The following LPP variants were observed in gnomAD, a reference collection of about 807,000 sequenced individuals.
LPP encodes lipoma-preferred partner.
LPP carries 38 observed loss-of-function variants against 60.4 expected under a neutral mutation model. The observed-to-expected ratio is 0.63, with a 90% CI of 0.49 to 0.83. The LOEUF is 0.83. LPP is among the 40% of genes least tolerant of loss of function. The probability of loss-of-function intolerance (pLI) is 0.00; values close to 1 mark genes in which losing one functional copy is unlikely to be tolerated. For missense variants in LPP, 902 were observed against 783.6 expected (o/e 1.15, Z -1.80); for synonymous variants, 328 against 290.8 (o/e 1.13, Z -1.30).
chr3:188,201,136 C>T (rs1730973786), intron 1 of LPP, among the ~76,000 whole-genome samples: 1 of 152,174 alleles, frequency 6.6e-6, no homozygotes, highest in African/African-American at 2.4e-5. Flanking sequence ...ATTTATTAAA[C>T]ACTTACTATG....
At chr3:188,249,986 TA>T (rs920536501) in intron 2 of LPP, among the ~76,000 whole-genome samples, 12 of 150,868 alleles carry the variant, frequency 8.0e-5, no homozygotes, top group Non-Finnish European at 1.2e-4. Context: ...TTCTTAATAA[TA>T]AAAAAAATAA....
chr3:188,545,939 T>A (rs888557815), intron 6 of LPP, among the ~76,000 whole-genome samples: 1 of 152,216 alleles, frequency 6.6e-6, no homozygotes, highest in African/African-American at 2.4e-5. Context: ...CGTGACCATC[T>A]GTGTACAGTA....
At chr3:188,816,241 G>A (rs368675472) in intron 9 of LPP, among the ~76,000 whole-genome samples, 7 of 124,330 alleles carry the variant, frequency 5.6e-5, no homozygotes, top group Non-Finnish European at 7.8e-5. Context: ...TCGCTCTGTC[G>A]CCCAGGCTGG....
chr3:188,351,935 A>G lies in LPP; in HGVS notation c.-10+10216A>G, dbSNP rs1199689236. ...TACATCTGAGTCTTTGGAGAGCTGC[A>G]ACCTGAGTGCCTCGTTCTTGAGTGT... On this transcript the variant is annotated intron_variant, in intron 3 of 11. Coordinates refer to ENST00000617246, the MANE Select transcript of LPP (RefSeq NM_001375462.1). Among the ~76,000 whole-genome samples the G allele has an allele frequency of 5.3e-5, 8 of 152,218 alleles. No homozygotes were observed. In the South Asian group the frequency reaches 1.4e-3, roughly 28 times the overall value.
At chr3:188,200,045 C>T (rs1730637592) in intron 1 of LPP, among the ~76,000 whole-genome samples, 1 of 152,060 alleles carries the variant, frequency 6.6e-6, no homozygotes, top group South Asian at 2.1e-4. Flanking sequence ...TTTGTTCCTT[C>T]ACAGAGGCAA....
intron 7 of LPP, among the ~76,000 whole-genome samples, chr3:188,651,216 T>A (rs1484344204): frequency 6.6e-6 from 1 of 152,206 alleles, no homozygotes. Flanking sequence ...TATTCAGACA[T>A]ATATAACGCA....
intron 9 of LPP, among the ~76,000 whole-genome samples, chr3:188,788,787 G>A (rs1019259934): frequency 2.6e-5 from 4 of 151,968 alleles, no homozygotes; most frequent in Non-Finnish European, 5.9e-5. Context: ...CCTGCAGCAC[G>A]CCCCCCCGGC....
intron 8 of LPP, chr3:188,743,501 C>T (rs1388700378): frequency 6.6e-6 from 1 of 152,152 alleles, no homozygotes; most frequent in Non-Finnish European, 1.5e-5. Flanking sequence ...AAGCCATAAA[C>T]TCCAGTCTGT....
In LPP at chr3:188,879,204, C is replaced by T. The variant is rs998249853; in HGVS notation, c.*4725C>T. 3 of 230,834 alleles carry T rather than the reference C, an allele frequency of 1.3e-5. No homozygotes were observed. Among genetic ancestry groups the T allele is most frequent in the African/African-American group, 2.2e-5 (1 of 45,246 alleles). 14.3% of individuals were successfully genotyped at this position (230,834 alleles called of 1,614,324 possible). A position where few individuals can be genotyped will look rare whatever the true frequency, so the allele number is the denominator to read the frequency against. On this transcript the variant is annotated 3_prime_UTR_variant, in exon 12 of 12. Coordinates refer to ENST00000617246, the MANE Select transcript of LPP (RefSeq NM_001375462.1). ...CTTATTTCAAACCTTAAAAAGTTACCTGACTGAAGCTACTATGACTTGGTA... is the reference window on the plus strand; with the variant it reads ...CTTATTTCAAACCTTAAAAAGTTACTTGACTGAAGCTACTATGACTTGGTA...
At chr3:188,815,575 A>C (rs1752240771) in intron 9 of LPP, among the ~76,000 whole-genome samples, 1 of 151,542 alleles carries the variant, frequency 6.6e-6, no homozygotes, top group Admixed American at 6.6e-5. Flanking sequence ...GCAGTAATTG[A>C]CTCTTACGCT....
chr3:188,760,567 G>A (rs1314297047), intron 9 of LPP, among the ~76,000 whole-genome samples: 1 of 152,130 alleles, frequency 6.6e-6, no homozygotes, highest in African/African-American at 2.4e-5. Context: ...TCAGCCTGTG[G>A]CTTTCTAGCA....
intron 5 of LPP, among the ~76,000 whole-genome samples, chr3:188,507,226 A>G (rs1001594640): frequency 6.6e-5 from 10 of 152,324 alleles, no homozygotes; most frequent in African/African-American, 2.2e-4. Context: ...CTGTATACTT[A>G]TCACCCTTTT....
At position 188,881,446 on chromosome 3, in the gene LPP, T is replaced by G. The variant is rs1578126323; in HGVS notation, c.*6967T>G. 2 of 209,182 alleles carry G rather than the reference T, an allele frequency of 9.6e-6. No individual in the cohort carries two copies. Among genetic ancestry groups the G allele is most frequent in the East Asian group, 1.4e-4 (2 of 13,862 alleles). The allele number at this position is 209,182 out of a possible 1,614,324, so 13.0% of individuals were successfully genotyped here. The stretch of plus-strand genomic sequence containing the variant: ...ACATATTTTCTAATTTTCAGTGTAC[T>G]CAGTGAAACTTGGCAGTTCACCATG... On this transcript the variant is annotated 3_prime_UTR_variant, in exon 12 of 12. Transcript: ENST00000617246.
intron 9 of LPP, among the ~76,000 whole-genome samples, 161 bp downstream of exon 9, chr3:188,760,443 C>CGCGT (rs1560168972): frequency 1.1e-3 from 70 of 64,324 alleles, no homozygotes; most frequent in African/African-American, 3.5e-3. Context: ...TGTGCGTGCG[C>CGCGT]GCATGTAAAT....
chr3:188,261,783 A>C (rs1012047656), intron 2 of LPP, among the ~76,000 whole-genome samples: 1 of 151,940 alleles, frequency 6.6e-6, no homozygotes, highest in Non-Finnish European at 1.5e-5. Flanking sequence ...ATGTGGTGGC[A>C]CATATCTGTA....
In LPP at chr3:188,884,564, A is replaced by C. The variant is rs1353222481; in HGVS notation, c.*10085A>C. 4.3e-6 allele frequency: 1 copy of C among 230,666 alleles called. No homozygotes were observed. The highest frequency in any genetic ancestry group is 8.6e-6 in the Non-Finnish European group (1 of 116,402). 14.3% of individuals were successfully genotyped at this position (230,666 alleles called of 1,614,324 possible). ...GAACAAACAATGGGCAGAAGGAAGC[A>C]CATTGCAATAAATTTCCCCAGAGAG... On this transcript the variant is annotated 3_prime_UTR_variant, in exon 12 of 12. Transcript: ENST00000617246.
intron 2 of LPP, among the ~76,000 whole-genome samples, chr3:188,230,962 G>A (rs1336399828): frequency 6.6e-6 from 1 of 152,034 alleles, no homozygotes; most frequent in Non-Finnish European, 1.5e-5. Context: ...TCGCATGATG[G>A]TTGGCAGGAT....
At chr3:188,335,128 C>A (rs1401090803) in intron 2 of LPP, among the ~76,000 whole-genome samples, 1 of 152,136 alleles carries the variant, frequency 6.6e-6, no homozygotes, top group Non-Finnish European at 1.5e-5. Flanking sequence ...TAAAAGAAAC[C>A]TTTCAATTTG....
At chr3:188,361,717 G>T (rs1327156476) in intron 3 of LPP, among the ~76,000 whole-genome samples, 1 of 151,824 alleles carries the variant, frequency 6.6e-6, no homozygotes, top group South Asian at 2.1e-4. Context: ...CAGGCGCCCT[G>T]CCACCACACC....
Sources: allele counts gnomAD v4.1 joint callset (sites outside exome capture counted in the v4.1 genomes callset), GRCh38; gene constraint gnomAD v4.1.1; transcripts MANE v1.5; gene names NCBI Gene and HGNC (gene_info 2026-07-23, HGNC 2026-07-21).